The following TANC2 variants were observed in gnomAD, a reference collection of about 807,000 sequenced individuals.
The protein encoded by TANC2 is protein TANC2.
TANC2 carries 26 observed loss-of-function variants against 210.5 expected under a neutral mutation model. The ratio of observed to expected loss-of-function variants is 0.12; its 90% confidence interval spans 0.09 to 0.17. The LOEUF (loss-of-function observed/expected upper bound fraction) is 0.17. Ranked by LOEUF, TANC2 falls within the 10% of genes least tolerant of loss-of-function variation. The pLI is 1.00. For missense variants in TANC2, 2,129 were observed against 2,608.9 expected (o/e 0.82, Z 4.01); for synonymous variants, 931 against 967.1 (o/e 0.96, Z 0.69).
chr17:63,180,014 G>T (rs1334680931), intron 5 of TANC2, among the ~76,000 whole-genome samples: 1 of 148,372 alleles, frequency 6.7e-6, no homozygotes, highest in African/African-American at 2.5e-5. Flanking sequence ...GGTGGCACAT[G>T]CCTGTGGTAC....
intron 8 of TANC2, among the ~76,000 whole-genome samples, chr17:63,239,347 T>C (rs905298938): frequency 1.1e-4 from 17 of 152,120 alleles, no homozygotes; most frequent in African/African-American, 3.6e-4. Flanking sequence ...TGTCATCATC[T>C]GGACTTTGTC....
In TANC2 at chr17:63,067,519, TG is replaced by T. The variant is rs1388891380; in HGVS notation, c.68-6421del. On this transcript the variant is annotated intron_variant, in intron 2 of 27. Transcript: ENST00000689528. ...AAAATAATAATAAATAAATTCCCAA[TG>T]GGAAAAAAATTAAAAAATACTCCAA... Among the ~76,000 whole-genome samples, 4 of 151,154 alleles carry T rather than the reference TG, an allele frequency of 2.6e-5. No individual in the cohort carries two copies. The East Asian group carries it at 7.7e-4, about 29-fold the overall frequency.
rs961700672 is a variant in TANC2 at position 63,250,457 on chromosome 17, G to A, written c.1033+12380G>A. Among the ~76,000 whole-genome samples the A allele has an allele frequency of 8.6e-5, 13 of 151,928 alleles. No homozygotes were observed. The East Asian group carries it at 9.6e-4, about 11-fold the overall frequency. Reference sequence around the variant, plus strand: ...TCAAAAATTTTTGCAGTACAATTGCGTAGTAAGACTAGCGCTATAAGGTAG... The same window carrying A: ...TCAAAAATTTTTGCAGTACAATTGCATAGTAAGACTAGCGCTATAAGGTAG... On this transcript the variant is annotated intron_variant, in intron 8 of 27. Coordinates refer to ENST00000689528, the Ensembl canonical transcript of TANC2.
chr17:63,032,269 ATT>A (rs1265379894), intron 2 of TANC2, among the ~76,000 whole-genome samples: 3 of 152,066 alleles, frequency 2.0e-5, no homozygotes, highest in Admixed American at 6.6e-5. Context: ...CTCCGGTCTT[ATT>A]TAGGTCTGGT....
At chr17:63,100,800 G>A (rs2037592464) in intron 4 of TANC2, among the ~76,000 whole-genome samples, 1 of 152,122 alleles carries the variant, frequency 6.6e-6, no homozygotes, top group Non-Finnish European at 1.5e-5. Context: ...CGTTTATTAA[G>A]AGATAACTAT....
rs1410042512 is a variant in TANC2 at position 63,327,335 on chromosome 17, A to G, written c.1575+8245A>G. Among the ~76,000 whole-genome samples, 3 of 152,226 alleles carry G rather than the reference A, an allele frequency of 2.0e-5. No individual in the cohort carries two copies. The South Asian group carries it at 6.2e-4, about 32-fold the overall frequency. ...ATGGAGGTTCCTCAAAAAACTAAAA[A>G]TAGAGCTATCATATGATCCAGTAAT... On this transcript the variant is annotated intron_variant, in intron 11 of 27. Transcript: ENST00000689528.
At chr17:63,343,559 A>G (rs763385584) in intron 12 of TANC2, among the ~76,000 whole-genome samples, 3 of 152,244 alleles carry the variant, frequency 2.0e-5, no homozygotes, top group Non-Finnish European at 4.4e-5. Context: ...GCTAAACTAT[A>G]AAAGCTGCAT....
At position 63,264,723 on chromosome 17, in the gene TANC2, G is replaced by A. The variant is rs2043471779; in HGVS notation, c.1034-3025G>A. ...TAGTGTGTGTGGCTTGCTGGCATTG[G>A]AGAGGCACAGGAAAAGAGCAAAGAA... On this transcript the variant is annotated intron_variant, in intron 8 of 27. Transcript: ENST00000689528. Among the ~76,000 whole-genome samples, 7 of 152,102 alleles carry A rather than the reference G, an allele frequency of 4.6e-5. No individual in the cohort carries two copies. The South Asian group carries it at 1.5e-3, about 32-fold the overall frequency.
At chr17:63,402,709 G>A (rs530796286) in intron 19 of TANC2, among the ~76,000 whole-genome samples, 8 of 152,162 alleles carry the variant, frequency 5.3e-5, no homozygotes, top group South Asian at 2.1e-4. Context: ...AGATCATCTC[G>A]TCAGATGCTG....
rs1055162368 is a variant in TANC2, at chr17:63,088,876, T to A, written c.140-10299T>A. On this transcript the variant is annotated intron_variant, in intron 3 of 27. Coordinates refer to ENST00000689528, the Ensembl canonical transcript of TANC2. ...GAATAACGGTTACCGAAGGCTTTTG[T>A]AGAGTCTTTACACTCATGGTTTGTC... 5 of 152,308 alleles carry A rather than the reference T, an allele frequency of 3.3e-5. No individual in the cohort carries two copies. The South Asian group carries it at 1.0e-3, about 32-fold the overall frequency. 9.4% of individuals were successfully genotyped at this position (152,308 alleles called of 1,614,324 possible). A position where few individuals can be genotyped will look rare whatever the true frequency, so the allele number is the denominator to read the frequency against.
At chr17:63,099,146 A>G (rs1567721766) in intron 3 of TANC2, 29 bp from the exon 4 acceptor site, 4 of 1,604,038 alleles carry the variant, frequency 2.5e-6, no homozygotes, top group Admixed American at 1.7e-5. Flanking sequence ...TTTTCTCACC[A>G]GCTCTTTTGT....
intron 27 of TANC2, among the ~76,000 whole-genome samples, chr17:63,419,485 A>G (rs1309311688): frequency 6.6e-6 from 1 of 152,218 alleles, no homozygotes; most frequent in Non-Finnish European, 1.5e-5. Flanking sequence ...GAGACACAGC[A>G]ATTCTGAGAG....
chr17:63,347,576 T>A (rs1211176058), intron 12 of TANC2, among the ~76,000 whole-genome samples: 2 of 152,212 alleles, frequency 1.3e-5, no homozygotes, highest in African/African-American at 4.8e-5. Flanking sequence ...AGTCAGAAGC[T>A]AGATTTCAAA....
At chr17:63,202,066 A>G (rs541131042) in intron 7 of TANC2, among the ~76,000 whole-genome samples, 1 of 152,250 alleles carries the variant, frequency 6.6e-6, no homozygotes, top group South Asian at 2.1e-4. Flanking sequence ...ATAGTTAGGT[A>G]TGGAGATAAG....
chr17:63,404,038 C>T (rs2048422790), intron 19 of TANC2, among the ~76,000 whole-genome samples: 1 of 152,116 alleles, frequency 6.6e-6, no homozygotes, highest in Non-Finnish European at 1.5e-5. Flanking sequence ...TTATCATTTT[C>T]TGGTTTGTTA....
chr17:63,248,733 A>G (rs1223539517), intron 8 of TANC2, among the ~76,000 whole-genome samples: 2 of 152,106 alleles, frequency 1.3e-5, no homozygotes, highest in Non-Finnish European at 2.9e-5. Flanking sequence ...ATTGAACTGT[A>G]ATGAATAAAA....
exon 28 of TANC2, chr17:63,427,487 A>C (rs1568017039): frequency 6.6e-6 from 1 of 152,274 alleles, no homozygotes. Context: ...CCCACACCCC[A>C]CAGAGGCATC....
chr17:63,038,627 T>G (rs928540076), intron 2 of TANC2, among the ~76,000 whole-genome samples: 3 of 152,204 alleles, frequency 2.0e-5, no homozygotes, highest in African/African-American at 7.2e-5. Context: ...TTCACCTGTT[T>G]AGTTATTTGG....
At chr17:63,183,370 T>G (rs999572209) in intron 5 of TANC2, among the ~76,000 whole-genome samples, 1 of 152,252 alleles carries the variant, frequency 6.6e-6, no homozygotes. Flanking sequence ...TATTTTTTTC[T>G]CTATTTAGTA....
Sources: allele counts gnomAD v4.1 joint callset (sites outside exome capture counted in the v4.1 genomes callset), GRCh38; gene constraint gnomAD v4.1.1; transcripts MANE v1.5; gene names NCBI Gene and HGNC (gene_info 2026-07-23, HGNC 2026-07-21).